The following SPRTN variants were observed in gnomAD, a reference collection of about 807,000 sequenced individuals.
SPRTN encodes DNA-dependent metalloprotease SPRTN.
In SPRTN, 11 loss-of-function variants were observed where a neutral mutation model predicts 31.9. That is an observed-to-expected ratio of 0.34 (90% confidence interval 0.22 to 0.57). SPRTN has a LOEUF of 0.57. Among genes scored for constraint, SPRTN ranks in the 20% least tolerant of loss-of-function variants. The probability of loss-of-function intolerance (pLI) is 0.86; values close to 1 mark genes in which losing one functional copy is unlikely to be tolerated. For synonymous variants in SPRTN, 185 were observed against 212.1 expected (o/e 0.87, Z 1.11); for missense variants, 482 against 590.1 (o/e 0.82, Z 1.90).
chr1:231,345,499 T>C (rs1310425964), intron 2 of SPRTN, among the ~76,000 whole-genome samples: 3 of 152,226 alleles, frequency 2.0e-5, no homozygotes, highest in Non-Finnish European at 4.4e-5. Flanking sequence ...TCATTCTTTT[T>C]TGTGGCTGCA....
chr1:231,350,390 G>T (rs1687189178), intron 3 of SPRTN, among the ~76,000 whole-genome samples: 1 of 152,254 alleles, frequency 6.6e-6, no homozygotes, highest in Non-Finnish European at 1.5e-5. Flanking sequence ...AGTCATTTAG[G>T]AGTCATTTCA....
At chr1:231,349,986 T>C (rs1687175856) in intron 3 of SPRTN, among the ~76,000 whole-genome samples, 1 of 152,212 alleles carries the variant, frequency 6.6e-6, no homozygotes, top group Non-Finnish European at 1.5e-5. Context: ...CACTCCAGCC[T>C]GGGCAAACAG....
rs1686756862 is a variant in SPRTN at position 231,338,441 on chromosome 1, G to A, written c.58G>A (p.Ala20Thr). ...RLQEEWNLQE[A>T]ERDHAQESLS... The stretch of plus-strand genomic sequence containing the variant: ...TCAGGAGGAGTGGAACTTGCAGGAG[G>A]CGGAGCGCGATCATGCCCAGGAGTC... The change falls in exon 1 of 5, where the codon GCG becomes ACG. Residue 20 changes from alanine to threonine, a missense_variant. Around this residue, in one of 2 missense-constraint regions of SPRTN, gnomAD observed 157 missense variants for 239.9 expected, o/e 0.65. Coordinates refer to ENST00000295050, the MANE Select transcript of SPRTN (RefSeq NM_032018.7). 1 of 1,614,286 alleles carries A rather than the reference G, an allele frequency of 6.2e-7. No individual in the cohort carries two copies.
At chr1:231,344,929 T>G (rs1490532974) in intron 2 of SPRTN, among the ~76,000 whole-genome samples, 2 of 152,282 alleles carry the variant, frequency 1.3e-5, no homozygotes, top group Middle Eastern at 3.4e-3. Context: ...CACAAAGATG[T>G]CTTGTTCAGT....
rs752640945 is a variant in SPRTN, at chr1:231,352,689, A to C, written c.798A>C (p.Leu266Phe). 4 of 1,614,012 alleles carry C rather than the reference A, an allele frequency of 2.5e-6. No individual in the cohort carries two copies. In the South Asian group the frequency reaches 4.4e-5, roughly 18 times the overall value. ...KGYVLGETSNLPSPGKLITSH... is the reference protein window; with the variant it reads ...KGYVLGETSNFPSPGKLITSH... The stretch of plus-strand genomic sequence containing the variant: ...ATGTTCTAGGAGAAACAAGCAATTT[A>C]CCTTCACCTGGGAAACTGATCACTT... The change falls in exon 5 of 5, where the codon TTA becomes TTC. Residue 266 changes from leucine to phenylalanine, a missense_variant. This residue lies in a region of SPRTN where 325 missense variants were observed against 350.2 expected (regional missense o/e 0.93). Transcript: ENST00000295050.
At chr1:231,343,745 C>T (rs544411127) in intron 2 of SPRTN, among the ~76,000 whole-genome samples, 36 of 152,150 alleles carry the variant, frequency 2.4e-4, no homozygotes, top group African/African-American at 8.4e-4. Context: ...GACTCTAAGG[C>T]TCTTGTTCTG....
At chr1:231,342,603 G>T (rs1011205574) in intron 2 of SPRTN, among the ~76,000 whole-genome samples, 3 of 151,132 alleles carry the variant, frequency 2.0e-5, no homozygotes, top group African/African-American at 4.9e-5. Context: ...GCTGATTTTT[G>T]TATTTTTAGT....
intron 2 of SPRTN, among the ~76,000 whole-genome samples, chr1:231,342,580 G>A (rs1008425414): frequency 1.9e-4 from 29 of 151,664 alleles, no homozygotes; most frequent in Non-Finnish European, 3.8e-4. Context: ...AAAGGTGTGC[G>A]CCACCACGCC....
chr1:231,353,192 C>T lies in SPRTN; in HGVS notation c.1301C>T (p.Pro434Leu), dbSNP rs200841470. ...CAAATAAAAAGCAGTGGTAATGATC[C>T]AAAGTATAGTACAACCACAGCTCAG... ...KEQIKSSGND[P>L]KYSTTTAQNS... The change falls in exon 5 of 5, where the codon CCA becomes CTA. Residue 434 changes from proline (P) to leucine (L), a missense_variant. Coordinates refer to ENST00000295050, the MANE Select transcript of SPRTN (RefSeq NM_032018.7). 126 of 1,613,322 alleles carry T rather than the reference C, an allele frequency of 7.8e-5. No individual in the cohort carries two copies. The highest frequency in any genetic ancestry group is 1.0e-4 in the Non-Finnish European group (120 of 1,179,872).
At position 231,352,677 on chromosome 1, in the gene SPRTN, A is replaced by G. The variant is rs150337169; in HGVS notation, c.786A>G (p.Glu262=). 130 of 1,613,754 alleles carry G rather than the reference A, an allele frequency of 8.1e-5. No homozygotes were observed. In the African/African-American group the frequency reaches 1.5e-3, roughly 19 times the overall value. ...GTGGGAAAGGATATGTTCTAGGAGA[A>G]ACAAGCAATTTACCTTCACCTGGGA... The part of the protein sequence containing the change: ...PFSGKGYVLG[E]TSNLPSPGKL... Residue 262 remains glutamate, a synonymous_variant, in exon 5 of 5, where the codon GAA becomes GAG. Transcript: ENST00000295050.
intron 2 of SPRTN, among the ~76,000 whole-genome samples, chr1:231,344,145 A>T (rs948423720): frequency 3.1e-4 from 47 of 152,232 alleles, no homozygotes; most frequent in African/African-American, 1.1e-3. Flanking sequence ...ATAGATCTTT[A>T]TCATTGCTCT....
At position 231,339,510 on chromosome 1, in the gene SPRTN, A is replaced by G. The variant is rs565604031; in HGVS notation, c.222-259A>G. ...CCTGGCGTCTCTAGCAGGTGCCTGC[A>G]GCCTTCCACCTTCTCAAGCAGGGTG... On this transcript the variant is annotated intron_variant, in intron 1 of 4. Transcript: ENST00000295050. 287 of 689,506 alleles carry G rather than the reference A, an allele frequency of 4.2e-4. 1 individual carries two copies. The highest frequency in any genetic ancestry group is 2.6e-5 in the Non-Finnish European group (10 of 381,278). The allele number at this position is 689,506 out of a possible 1,614,324, so 42.7% of individuals were successfully genotyped here.
At chr1:231,352,145 C>A in intron 4 of SPRTN, 1 of 989,290 alleles carries the variant, frequency 1.0e-6, no homozygotes, top group African/African-American at 1.7e-5. Context: ...GAAGATGCTT[C>A]TTCCCTTGGG....
In SPRTN at chr1:231,353,604, T is replaced by C; in HGVS notation, c.*243T>C. 8.5e-7 allele frequency: 1 copy of C among 1,181,548 alleles called. No homozygotes were observed. 73.2% of individuals were successfully genotyped at this position (1,181,548 alleles called of 1,614,324 possible). A position where few individuals can be genotyped will look rare whatever the true frequency, so the allele number is the denominator to read the frequency against. On this transcript the variant is annotated 3_prime_UTR_variant, in exon 5 of 5. Transcript: ENST00000295050. Reference sequence around the variant, plus strand: ...TAACCCAGGTTCTGCCTGTCGTGTATAAGTTTTAGATACTTTTGTTCTTTC... The same window carrying C: ...TAACCCAGGTTCTGCCTGTCGTGTACAAGTTTTAGATACTTTTGTTCTTTC...
chr1:231,354,223 A>T lies in SPRTN; in HGVS notation c.*862A>T. The T allele has an allele frequency of 1.0e-6, 1 of 977,738 alleles. No homozygotes were observed. 60.6% of individuals were successfully genotyped at this position (977,738 alleles called of 1,614,324 possible). The stretch of plus-strand genomic sequence containing the variant: ...TAAGCCAAGTTTAAAACATTATAAT[A>T]AAAGGAATACCATTTGTGCATTTTA... On this transcript the variant is annotated 3_prime_UTR_variant, in exon 5 of 5. Transcript: ENST00000295050.
Position 231,353,303 on chromosome 1 carries a change from A to C in SPRTN, c.1412A>C (p.His471Pro), listed in dbSNP as rs113002283. The change falls in exon 5 of 5, where the codon CAC becomes CCC. Residue 471 changes from histidine (H) to proline (P), a missense_variant. Around this residue, in one of 2 missense-constraint regions of SPRTN, gnomAD observed 325 missense variants for 350.2 expected, o/e 0.93. Coordinates refer to ENST00000295050, the MANE Select transcript of SPRTN (RefSeq NM_032018.7). ...NEVLESQINE[H>P]LDWCLEGDSI... Reference sequence around the variant, plus strand: ...GTTCTGGAGTCTCAGATTAATGAGCACTTGGACTGGTGCCTTGAAGGTGAC... The same window carrying C: ...GTTCTGGAGTCTCAGATTAATGAGCCCTTGGACTGGTGCCTTGAAGGTGAC... 109 of 1,607,144 alleles carry C rather than the reference A, an allele frequency of 6.8e-5. No individual in the cohort carries two copies. Among genetic ancestry groups the C allele is most frequent in the Non-Finnish European group, 8.9e-5 (105 of 1,178,230 alleles).
intron 2 of SPRTN, among the ~76,000 whole-genome samples, chr1:231,347,506 G>C (rs527703599): frequency 7.2e-5 from 11 of 152,198 alleles, no homozygotes; most frequent in Admixed American, 6.5e-4. Flanking sequence ...GGGATTACAG[G>C]CATGCACCAC....
At chr1:231,351,205 T>TAAAAAAA (rs35814914) in intron 3 of SPRTN, 99 bp from the exon 4 acceptor site, 33 of 974,736 alleles carry the variant, frequency 3.4e-5, no homozygotes, top group African/African-American at 1.8e-4. Context: ...TTTCAAAAAT[T>TAAAAAAA]AAAAAAAAAA....
At chr1:231,339,378 G>T in intron 1 of SPRTN, 1 of 428,792 alleles carries the variant, frequency 2.3e-6, no homozygotes, top group South Asian at 2.2e-5. Flanking sequence ...TAGCAGAATA[G>T]GATTGCCTTT....
Sources: gnomAD v4.1 joint callset for allele counts (sites outside exome capture counted in the v4.1 genomes callset) on GRCh38, gnomAD v4.1.1 for gene constraint, gnomAD v4.1.1 regional missense constraint, MANE v1.5 for transcripts, NCBI Gene and HGNC (gene_info 2026-07-23, HGNC 2026-07-21) for gene names.